PTPN18: variants seen among roughly 807,000 people sequenced by gnomAD.
PTPN18 encodes tyrosine-protein phosphatase non-receptor type 18.
Under a neutral mutation model 65.4 loss-of-function variants are expected in PTPN18, and 65 were observed. That is an observed-to-expected ratio of 0.99 (90% CI 0.81 to 1.22). The LOEUF (loss-of-function observed/expected upper bound fraction) is 1.22, where lower values mean the gene tolerates loss of function less well. Ranked by LOEUF, PTPN18 falls within the 50% of genes most tolerant of loss-of-function variation. The pLI is 0.00. For missense variants in PTPN18, 616 were observed against 646.5 expected (o/e 0.95, Z 0.51); for synonymous variants, 255 against 267.8 (o/e 0.95, Z 0.47).
chr2:130,368,927 T>A (rs900549928), intron 5 of PTPN18: 14 of 518,670 alleles, frequency 2.7e-5, no homozygotes, highest in Non-Finnish European at 4.1e-5. Context: ...GGACTGTATT[T>A]CCCCTGCATG....
At position 130,364,443 on chromosome 2, in the gene PTPN18, G is replaced by A. The variant is rs72988364; in HGVS notation, c.415-4690G>A. Among the ~76,000 whole-genome samples the A allele has an allele frequency of 8.0e-3, 1,223 of 152,124 alleles. 20 individuals are homozygous for A. Among genetic ancestry groups the A allele is most frequent in the African/African-American group, 0.028 (1,148 of 41,452 alleles). On this transcript the variant is annotated intron_variant, in intron 5 of 14. Transcript: ENST00000175756. ...TATATCACATTTTGTTTATCCATTC[G>A]CCTGTTGGACATCTGGGTTGTTTGT...
rs763483372 is a variant in PTPN18, at chr2:130,356,148, G to T, written c.41G>T (p.Arg14Leu). 3 of 1,313,070 alleles carry T rather than the reference G, an allele frequency of 2.3e-6. No homozygotes were observed. The highest frequency in any genetic ancestry group is 2.9e-6 in the Non-Finnish European group (3 of 1,035,282). 81.3% of individuals were successfully genotyped at this position (1,313,070 alleles called of 1,614,324 possible). Reference sequence around the variant, plus strand: ...GACTCGGCGCGGAGCTTCCTGGAGCGGCTGGAAGCGCGGGGCGGCCGGGAG... The same window carrying T: ...GACTCGGCGCGGAGCTTCCTGGAGCTGCTGGAAGCGCGGGGCGGCCGGGAG... ...SLDSARSFLE[R>L]LEARGGREGA... Residue 14 changes from arginine (R) to leucine (L), a missense_variant, in exon 1 of 15, where the codon CGG (arginine) becomes CTG (leucine). Arg to Leu is a moderately radical substitution (Grantham distance 102, BLOSUM62 -2). This residue lies in a region of PTPN18 where 223 missense variants were observed against 210.0 expected (regional missense o/e 1.06). Transcript: ENST00000175756.
intron 1 of PTPN18, among the ~76,000 whole-genome samples, chr2:130,357,947 A>G (rs982131317): frequency 5.3e-5 from 8 of 152,236 alleles, no homozygotes; most frequent in Non-Finnish European, 1.2e-4. Context: ...TAAGAAATGC[A>G]TAATAAATGT....
intron 5 of PTPN18, among the ~76,000 whole-genome samples, chr2:130,365,274 A>G (rs1680344596): frequency 6.6e-6 from 1 of 152,220 alleles, no homozygotes; most frequent in Non-Finnish European, 1.5e-5. Flanking sequence ...TGTTAACCAA[A>G]ACATCATTAT....
intron 5 of PTPN18, 35 bp downstream of exon 5, chr2:130,359,681 G>A: frequency 6.2e-7 from 1 of 1,607,006 alleles, no homozygotes; most frequent in Non-Finnish European, 8.5e-7. Context: ...TCATGTCCTT[G>A]TGGGAGGAGG....
chr2:130,361,781 T>A (rs1680224535), intron 5 of PTPN18, among the ~76,000 whole-genome samples: 1 of 152,002 alleles, frequency 6.6e-6, no homozygotes, highest in Non-Finnish European at 1.5e-5. Context: ...AGAGATGGGG[T>A]TTCACCATGT....
In PTPN18 at chr2:130,356,244, G is replaced by T. The variant is rs142330150; in HGVS notation, c.93+44G>T. ...CCGCGAGCGGCGCGCCCCGGCCCTG[G>T]CCCTGCGTACGCCTGTCCTCCGCGC... is the stretch of plus-strand genomic sequence containing the variant. On this transcript the variant is annotated intron_variant, in intron 1 of 14. Transcript: ENST00000175756. The T allele has an allele frequency of 6.6e-3, 8,306 of 1,264,290 alleles. 491 individuals carry two copies. The African/African-American group carries it at 0.12, about 18-fold the overall frequency. The allele number at this position is 1,264,290 out of a possible 1,614,324, so 78.3% of individuals were successfully genotyped here. A position where few individuals can be genotyped will look rare whatever the true frequency, so the allele number is the denominator to read the frequency against.
intron 5 of PTPN18, among the ~76,000 whole-genome samples, chr2:130,362,747 A>C (rs1680258067): frequency 6.6e-6 from 1 of 152,196 alleles, no homozygotes; most frequent in Admixed American, 6.5e-5. Context: ...TCAGTCATTT[A>C]AAGTGTACAG....
In PTPN18 at chr2:130,374,977, T is replaced by G. The variant is rs770835735; in HGVS notation, c.*1753T>G. 4.2e-5 allele frequency: 11 copies of G among 259,852 alleles called. No homozygotes were observed. The highest frequency in any genetic ancestry group is 6.3e-5 in the Non-Finnish European group (8 of 127,392). 16.1% of individuals were successfully genotyped at this position (259,852 alleles called of 1,614,324 possible). A position where few individuals can be genotyped will look rare whatever the true frequency, so the allele number is the denominator to read the frequency against. On this transcript the variant is annotated 3_prime_UTR_variant, in exon 15 of 15. Transcript: ENST00000175756. ...GAGGCTTGGGTTTGGGTGCCCACAG[T>G]GGGAGCTGGTGTGATATCATACCTT...
At chr2:130,356,537 T>A (rs1415848830) in intron 1 of PTPN18, 3 of 503,524 alleles carry the variant, frequency 6.0e-6, no homozygotes, top group Non-Finnish European at 1.2e-5. Flanking sequence ...CGGGCGGCCC[T>A]GCTGCGCTGG....
At chr2:130,357,628 G>A (rs775984095) in intron 1 of PTPN18, among the ~76,000 whole-genome samples, 5 of 149,706 alleles carry the variant, frequency 3.3e-5, no homozygotes, top group Non-Finnish European at 6.0e-5. Flanking sequence ...AGGCCGAGGC[G>A]GGCGGATCAC....
chr2:130,356,256 C>A, intron 1 of PTPN18, 56 bp downstream of exon 1: 1 of 1,222,368 alleles, frequency 8.2e-7, no homozygotes, highest in Non-Finnish European at 1.1e-6. Context: ...CCTGCGTACG[C>A]CTGTCCTCCG....
chr2:130,356,121 T>C lies in PTPN18; in HGVS notation c.14T>C (p.Leu5Pro). Residue 5 changes from leucine to proline, a missense_variant, in exon 1 of 15, where the codon CTG becomes CCG. By Grantham distance (98) the Leu-to-Pro change is moderately conservative. Coordinates refer to ENST00000175756, the MANE Select transcript of PTPN18 (RefSeq NM_014369.4). MSRS[L>P]DSARSFLERL... ...GCCCGCGGCGCCATGAGCCGCAGCC[T>C]GGACTCGGCGCGGAGCTTCCTGGAG... 1.5e-6 allele frequency: 2 copies of C among 1,308,638 alleles called. No individual in the cohort carries two copies. The highest frequency in any genetic ancestry group is 1.9e-6 in the Non-Finnish European group (2 of 1,032,664). The allele number at this position is 1,308,638 out of a possible 1,614,324, so 81.1% of individuals were successfully genotyped here.
intron 1 of PTPN18, 35 bp downstream of exon 1, chr2:130,356,235 C>T: frequency 7.8e-7 from 1 of 1,281,552 alleles, no homozygotes; most frequent in Middle Eastern, 2.1e-4. Flanking sequence ...GCGGCGCGCC[C>T]CGGCCCTGGC....
chr2:130,360,041 T>A (rs536265453), intron 5 of PTPN18: 74 of 209,154 alleles, frequency 3.5e-4, no homozygotes, highest in Non-Finnish European at 6.1e-4. Flanking sequence ...GCCTAGGACA[T>A]CCTTCCCTGT....
intron 12 of PTPN18, 97 bp from the exon 13 acceptor site, chr2:130,372,160 G>A (rs1573867573): frequency 9.8e-6 from 12 of 1,220,474 alleles, no homozygotes; most frequent in East Asian, 2.9e-5. Flanking sequence ...CCGCCTCGGC[G>A]GGAAGGAAGC....
intron 6 of PTPN18, among the ~76,000 whole-genome samples, chr2:130,369,478 A>G (rs946113811): frequency 6.6e-6 from 1 of 152,232 alleles, no homozygotes; most frequent in Non-Finnish European, 1.5e-5. Context: ...CTCAAGTCAT[A>G]CATACAGTTA....
chr2:130,370,391 G>T, intron 8 of PTPN18, 166 bp from the exon 9 acceptor site: 3 of 1,111,718 alleles, frequency 2.7e-6, no homozygotes, highest in Non-Finnish European at 3.9e-6. Context: ...TCAACAAAAT[G>T]TAAGTGATTA....
rs148522170 is a variant in PTPN18 at position 130,374,531 on chromosome 2, C to T, written c.*1307C>T. ...GTTCCTGCTAGGATAAAACATTAAGCGGCTGTTAAAAGAAATAAAAGGAGG... is the reference window on the plus strand; with the variant it reads ...GTTCCTGCTAGGATAAAACATTAAGTGGCTGTTAAAAGAAATAAAAGGAGG... On this transcript the variant is annotated 3_prime_UTR_variant, in exon 15 of 15. Transcript: ENST00000175756. The T allele has an allele frequency of 2.6e-3, 1,108 of 432,028 alleles. 6 individuals are homozygous for T. The highest frequency in any genetic ancestry group is 0.02 in the African/African-American group (967 of 49,218). The allele number at this position is 432,028 out of a possible 1,614,324, so 26.8% of individuals were successfully genotyped here.
Sources: allele counts gnomAD v4.1 joint callset (sites outside exome capture counted in the v4.1 genomes callset), GRCh38; gene constraint gnomAD v4.1.1; regional missense constraint gnomAD v4.1.1; transcripts MANE v1.5; gene names NCBI Gene and HGNC (gene_info 2026-07-23, HGNC 2026-07-21).